The following ZFYVE9 variants were observed in gnomAD, a reference collection of about 807,000 sequenced individuals.
The protein encoded by ZFYVE9 is zinc finger FYVE domain-containing protein 9.
ZFYVE9 carries 43 observed loss-of-function variants against 126.7 expected under a neutral mutation model. That is an observed-to-expected ratio of 0.34 (90% CI 0.27 to 0.44). The LOEUF (loss-of-function observed/expected upper bound fraction) is 0.44. Among genes scored for constraint, ZFYVE9 ranks in the 20% least tolerant of loss-of-function variants. ZFYVE9 has a pLI of 1.00. For missense variants in ZFYVE9, 1,476 were observed against 1,697.0 expected (o/e 0.87, Z 2.29); for synonymous variants, 521 against 597.4 (o/e 0.87, Z 1.87).
At chr1:52,182,011 CA>C (rs1374564376) in intron 1 of ZFYVE9, among the ~76,000 whole-genome samples, 32 of 151,858 alleles carry the variant, frequency 2.1e-4, no homozygotes, top group Middle Eastern at 3.4e-3. Context: ...GGGGTCAGCC[CA>C]CCGCCCGGCC....
At chr1:52,186,935 T>C (rs190037291) in intron 1 of ZFYVE9, among the ~76,000 whole-genome samples, 21 of 152,184 alleles carry the variant, frequency 1.4e-4, no homozygotes, top group South Asian at 8.3e-4. Flanking sequence ...TATCAAACTA[T>C]CAATGGCATT....
chr1:52,213,813 G>T (rs974118349), intron 1 of ZFYVE9, among the ~76,000 whole-genome samples: 1 of 152,094 alleles, frequency 6.6e-6, no homozygotes, highest in African/African-American at 2.4e-5. Context: ...AACTGAAGAC[G>T]CAATAAGCTG....
At chr1:52,212,862 A>T (rs751354963) in intron 1 of ZFYVE9, among the ~76,000 whole-genome samples, 6 of 152,354 alleles carry the variant, frequency 3.9e-5, no homozygotes, top group Admixed American at 1.3e-4. Context: ...GAACTATGTG[A>T]TTAATTATTG....
chr1:52,143,358 C>T (rs553886867), intron 1 of ZFYVE9, among the ~76,000 whole-genome samples: 2 of 152,208 alleles, frequency 1.3e-5, no homozygotes, highest in South Asian at 2.1e-4. Context: ...AGTTTGATAC[C>T]GTAAGTCAGA....
intron 1 of ZFYVE9, among the ~76,000 whole-genome samples, chr1:52,175,258 T>C (rs954646313): frequency 1.3e-5 from 2 of 150,178 alleles, no homozygotes; most frequent in African/African-American, 4.9e-5. Context: ...TCTCCTTCAC[T>C]TATGAAGCTT....
At chr1:52,197,821 G>A (rs1644875525) in intron 1 of ZFYVE9, among the ~76,000 whole-genome samples, 1 of 152,176 alleles carries the variant, frequency 6.6e-6, no homozygotes, top group African/African-American at 2.4e-5. Context: ...AGTAGAAGGT[G>A]GAGAGGAGGA....
Position 52,337,754 on chromosome 1 carries a change from C to T in ZFYVE9, c.3671-18C>T, listed in dbSNP as rs752462439. 1 of 1,612,910 alleles carries T rather than the reference C, an allele frequency of 6.2e-7. No individual in the cohort carries two copies. Among genetic ancestry groups the T allele is most frequent in the Non-Finnish European group, 8.5e-7 (1 of 1,179,078 alleles). On this transcript the variant is annotated intron_variant, in intron 15 of 18. Transcript: ENST00000287727. ...TGTGTTTCATTTGCCTCTCCTTTGGCTTTGTACTGATTCTTAGATGGTGTT... is the reference window on the plus strand; with the variant it reads ...TGTGTTTCATTTGCCTCTCCTTTGGTTTTGTACTGATTCTTAGATGGTGTT...
At chr1:52,286,641 A>G (rs1028096140) in intron 10 of ZFYVE9, among the ~76,000 whole-genome samples, 3 of 152,156 alleles carry the variant, frequency 2.0e-5, no homozygotes, top group East Asian at 1.9e-4. Context: ...TTTGCAAACA[A>G]TCTATTCAGA....
chr1:52,298,304 G>A (rs557230120), intron 12 of ZFYVE9, among the ~76,000 whole-genome samples: 260 of 152,180 alleles, frequency 1.7e-3, no homozygotes, highest in African/African-American at 5.8e-3. Context: ...TCTTTAATCC[G>A]TTTTTAGTTG....
intron 1 of ZFYVE9, among the ~76,000 whole-genome samples, chr1:52,195,049 T>C (rs1054711722): frequency 1.3e-5 from 2 of 152,218 alleles, no homozygotes; most frequent in African/African-American, 4.8e-5. Flanking sequence ...GGTAGTAACC[T>C]GTTAACCTAT....
intron 13 of ZFYVE9, among the ~76,000 whole-genome samples, chr1:52,309,930 A>G (rs1646122415): frequency 6.6e-6 from 1 of 152,168 alleles, no homozygotes; most frequent in Non-Finnish European, 1.5e-5. Context: ...CAAGGCCATT[A>G]AAGATCCTTG....
intron 12 of ZFYVE9, among the ~76,000 whole-genome samples, chr1:52,302,933 A>G (rs773494244): frequency 2.0e-5 from 3 of 151,912 alleles, no homozygotes; most frequent in Non-Finnish European, 4.4e-5. Flanking sequence ...AACATGGTGA[A>G]ACCTTGTCTC....
chr1:52,310,004 C>G (rs754419146), intron 13 of ZFYVE9, among the ~76,000 whole-genome samples: 1 of 152,168 alleles, frequency 6.6e-6, no homozygotes, highest in African/African-American at 2.4e-5. Context: ...TGCTCTCGCT[C>G]TGTTGCCCAG....
intron 4 of ZFYVE9, among the ~76,000 whole-genome samples, chr1:52,248,957 G>A (rs773183442): frequency 6.6e-6 from 1 of 152,150 alleles, no homozygotes; most frequent in Non-Finnish European, 1.5e-5. Flanking sequence ...ATCTCGAATT[G>A]TAATCCCCAT....
chr1:52,281,714 C>T lies in ZFYVE9; in HGVS notation c.2923C>T (p.Gln975Ter). 1 of 1,614,106 alleles carries T rather than the reference C, an allele frequency of 6.2e-7. No individual in the cohort carries two copies. The highest frequency in any genetic ancestry group is 8.5e-7 in the Non-Finnish European group (1 of 1,180,008). ...AACCAAGGGAATGCATGCAGTGGGT[C>T]AGTCTGAGATAGTCATTCTTCTACA... The part of the protein sequence containing the change: ...FTTKGMHAVG[Q>*]SEIVILLQCL... The change falls in exon 10 of 19, where the codon CAG (glutamine) becomes TAG (stop). Residue 975 changes from glutamine (Q) to a stop codon, truncating the protein, a stop_gained. Coordinates refer to ENST00000287727, the MANE Select transcript of ZFYVE9 (RefSeq NM_004799.4). LOFTEE classifies it high-confidence loss of function.
chr1:52,209,833 A>G lies in ZFYVE9; in HGVS notation c.-142-6536A>G, dbSNP rs1401811022. Among the ~76,000 whole-genome samples, 5 of 152,204 alleles carry G rather than the reference A, an allele frequency of 3.3e-5. No homozygotes were observed. The East Asian group carries it at 5.8e-4, about 18-fold the overall frequency. ...AGAACAGAACATTGTCAGCTATGTT[A>G]TGGAAGTATGGACTTTATCCTAAGG... On this transcript the variant is annotated intron_variant, in intron 1 of 18. Coordinates refer to ENST00000287727, the MANE Select transcript of ZFYVE9 (RefSeq NM_004799.4).
At chr1:52,207,067 G>T (rs1474437090) in intron 1 of ZFYVE9, among the ~76,000 whole-genome samples, 2 of 152,182 alleles carry the variant, frequency 1.3e-5, no homozygotes, top group African/African-American at 4.8e-5. Context: ...CATTCTCCCA[G>T]ACACACCCAG....
chr1:52,277,925 ATTATAC>A (rs1442296936), intron 8 of ZFYVE9, among the ~76,000 whole-genome samples: 1 of 152,206 alleles, frequency 6.6e-6, no homozygotes, highest in Non-Finnish European at 1.5e-5. Context: ...AAACTCTTAA[ATTATAC>A]TTAAAGGAAT....
intron 1 of ZFYVE9, among the ~76,000 whole-genome samples, chr1:52,185,215 T>G (rs965315891): frequency 1.3e-5 from 2 of 152,194 alleles, no homozygotes; most frequent in African/African-American, 4.8e-5. Flanking sequence ...GGAGTAATAA[T>G]TATACCTTAC....
Sources: allele counts gnomAD v4.1 joint callset (sites outside exome capture counted in the v4.1 genomes callset), GRCh38; gene constraint gnomAD v4.1.1; transcripts MANE v1.5; gene names NCBI Gene and HGNC (gene_info 2026-07-23, HGNC 2026-07-21).